CRB1: variants seen among roughly 807,000 people sequenced by gnomAD.
The protein encoded by CRB1 is protein crumbs homolog 1.
In CRB1, 83 loss-of-function variants were observed where a neutral mutation model predicts 120.0. That is an observed-to-expected ratio of 0.69 (90% CI 0.58 to 0.83). The LOEUF is 0.83. Ranked by LOEUF, CRB1 falls within the 40% of genes least tolerant of loss-of-function variation. CRB1 has a pLI of 0.00. For synonymous variants in CRB1, 625 were observed against 612.5 expected (o/e 1.02, Z -0.30); for missense variants, 1,699 against 1,687.6 (o/e 1.01, Z -0.12).
chr1:197,227,454 G>A, the CRB1 span, among the ~76,000 whole-genome samples: 14 of 149,392 alleles, frequency 9.4e-5, no homozygotes, highest in Non-Finnish European at 1.5e-4. Flanking sequence ...TGCGTGGCAC[G>A]AAGGGCAGTC....
chr1:197,448,287 T>C lies in CRB1; in HGVS notation c.4005+5995T>C, dbSNP rs187291321. ...AACAACTTTAAGAGGATTTTTCTTT[T>C]TCCTGGGGGGTCTTTGTGTGCTGAG... On this transcript the variant is annotated intron_variant, in intron 11 of 11. Coordinates refer to ENST00000367400, the MANE Select transcript of CRB1 (RefSeq NM_201253.3). Among the ~76,000 whole-genome samples the C allele has an allele frequency of 1.4e-4, 22 of 152,306 alleles. No homozygotes were observed. The East Asian group carries it at 4.0e-3, about 28-fold the overall frequency.
the CRB1 span, among the ~76,000 whole-genome samples, chr1:197,240,957 A>C: frequency 1.3e-5 from 2 of 152,150 alleles, no homozygotes; most frequent in Admixed American, 6.5e-5. Context: ...ACCATTGATG[A>C]TGAACTTTTC....
chr1:197,222,932 G>A, the CRB1 span: 2 of 986,126 alleles, frequency 2.0e-6, no homozygotes, highest in Admixed American at 1.7e-5. Context: ...AAATCCTGTT[G>A]ACGCTCTGCA....
At position 197,434,842 on chromosome 1, in the gene CRB1, A is replaced by G. The variant is rs557653092; in HGVS notation, c.2979A>G (p.Glu993=). The change falls in exon 9 of 12, where the codon GAA becomes GAG. Residue 993 remains glutamate, a synonymous_variant. Transcript: ENST00000367400. ...RDANVIILHA[E]KEPEFLNISI... Reference sequence around the variant, plus strand: ...CAAATGTAATAATATTGCATGCAGAAAAAGAGCCTGAATTTCTTAATATTA... The same window carrying G: ...CAAATGTAATAATATTGCATGCAGAGAAAGAGCCTGAATTTCTTAATATTA... 106 of 1,613,882 alleles carry G rather than the reference A, an allele frequency of 6.6e-5. No homozygotes were observed. Among genetic ancestry groups the G allele is most frequent in the Non-Finnish European group, 8.8e-5 (104 of 1,179,812 alleles).
At chr1:197,223,467 G>T in the CRB1 span, among the ~76,000 whole-genome samples, 1 of 151,940 alleles carries the variant, frequency 6.6e-6, no homozygotes, top group African/African-American at 2.4e-5. Flanking sequence ...ATAATATACT[G>T]AAATATATCA....
intron 11 of CRB1, chr1:197,442,667 G>A (rs940649863): frequency 3.0e-6 from 2 of 665,318 alleles, no homozygotes; most frequent in Non-Finnish European, 4.5e-6. Flanking sequence ...TGTGTATTTA[G>A]TACAAACATA....
chr1:197,386,832 G>A (rs146026016), intron 5 of CRB1, among the ~76,000 whole-genome samples: 32 of 152,190 alleles, frequency 2.1e-4, no homozygotes, highest in African/African-American at 6.7e-4. Context: ...AAATCGGAGC[G>A]AATATTTTCC....
chr1:197,325,410 G>A (rs959658859), intron 1 of CRB1, among the ~76,000 whole-genome samples: 2 of 152,062 alleles, frequency 1.3e-5, no homozygotes, highest in Non-Finnish European at 2.9e-5. Flanking sequence ...AAAATCGTCA[G>A]TCTTCTAGGT....
At chr1:197,267,964 A>C (rs1031640247), upstream of CRB1, among the ~76,000 whole-genome samples, 17 of 152,222 alleles carry the variant, frequency 1.1e-4, no homozygotes, top group African/African-American at 4.1e-4. Context: ...TTTTCTGAAG[A>C]TGAAAGTAAA....
intron 11 of CRB1, among the ~76,000 whole-genome samples, chr1:197,470,026 A>G (rs1666912857): frequency 6.6e-6 from 1 of 152,178 alleles, no homozygotes; most frequent in African/African-American, 2.4e-5. Flanking sequence ...TGCAGGACAC[A>G]TGGTGAGGTT....
At chr1:197,270,602 T>C (rs1654854455) in intron 1 of CRB1, among the ~76,000 whole-genome samples, 2 of 152,318 alleles carry the variant, frequency 1.3e-5, no homozygotes, top group South Asian at 4.1e-4. Flanking sequence ...GGAGAAAAGA[T>C]AAACACTATG....
intron 1 of CRB1, among the ~76,000 whole-genome samples, chr1:197,308,735 C>T (rs1170537493): frequency 1.3e-5 from 2 of 151,392 alleles, no homozygotes; most frequent in African/African-American, 4.8e-5. Flanking sequence ...TAAATATGAA[C>T]TATTATGATA....
At chr1:197,433,199 C>T (rs1359133459) in intron 8 of CRB1, among the ~76,000 whole-genome samples, 1 of 151,862 alleles carries the variant, frequency 6.6e-6, no homozygotes, top group Non-Finnish European at 1.5e-5. Flanking sequence ...ATCATGTACA[C>T]TCTTGTGGTT....
intron 1 of CRB1, among the ~76,000 whole-genome samples, chr1:197,325,516 A>G (rs951491347): frequency 1.3e-5 from 2 of 152,192 alleles, no homozygotes; most frequent in Non-Finnish European, 2.9e-5. Context: ...AGGTAAAATT[A>G]GGTTAAATAT....
At chr1:197,441,982 A>C in intron 10 of CRB1, 184 bp from the exon 11 acceptor site, 1 of 686,110 alleles carries the variant, frequency 1.5e-6, no homozygotes, top group Admixed American at 2.4e-5. Flanking sequence ...TTTCCATTAA[A>C]CCCCAAATGT....
At chr1:197,326,857 T>A (rs1658522472) in intron 1 of CRB1, among the ~76,000 whole-genome samples, 1 of 151,674 alleles carries the variant, frequency 6.6e-6, no homozygotes, top group Non-Finnish European at 1.5e-5. Flanking sequence ...GTTTTTTTGT[T>A]TGTTTATTTT....
intron 11 of CRB1, among the ~76,000 whole-genome samples, chr1:197,474,399 G>C (rs982175095): frequency 3.9e-5 from 6 of 152,140 alleles, no homozygotes; most frequent in Non-Finnish European, 8.8e-5. Context: ...GCAGAGGTGG[G>C]GCTGGATCCC....
intron 1 of CRB1, among the ~76,000 whole-genome samples, chr1:197,305,183 T>G (rs1657093058): frequency 6.6e-6 from 1 of 152,170 alleles, no homozygotes; most frequent in Non-Finnish European, 1.5e-5. Context: ...TTGGTGTGTT[T>G]TCTAAAACAT....
chr1:197,458,109 G>A (rs953882216), intron 11 of CRB1, among the ~76,000 whole-genome samples: 12 of 152,100 alleles, frequency 7.9e-5, no homozygotes, highest in African/African-American at 2.9e-4. Flanking sequence ...CAAAAGGGAA[G>A]AAAGGAAACT....
Sources: allele counts gnomAD v4.1 joint callset (sites outside exome capture counted in the v4.1 genomes callset), GRCh38; gene constraint gnomAD v4.1.1; transcripts MANE v1.5; gene names NCBI Gene and HGNC (gene_info 2026-07-23, HGNC 2026-07-21).